Variants in SPAG16 observed in about 807,000 individuals in gnomAD.
SPAG16 encodes the protein sperm-associated antigen 16 protein.
A neutral mutation model predicts 80.4 loss-of-function variants in SPAG16; 86 were observed. The observed-to-expected ratio is 1.07, with a 90% CI of 0.90 to 1.28. SPAG16 has a LOEUF of 1.28. Among genes scored for constraint, SPAG16 ranks in the 50% most tolerant of loss-of-function variants. The probability of loss-of-function intolerance (pLI) is 0.00; values close to 1 mark genes in which losing one functional copy is unlikely to be tolerated. For missense variants in SPAG16, 870 were observed against 765.3 expected, an observed-to-expected ratio of 1.14 and a Z score of -1.61; for synonymous variants, 294 against 265.9, an observed-to-expected ratio of 1.11 and a Z score of -1.03.
At chr2:213,398,259 T>C (rs952016085) in intron 9 of SPAG16, among the ~76,000 whole-genome samples, 3 of 152,146 alleles carry the variant, frequency 2.0e-5, no homozygotes, top group Non-Finnish European at 4.4e-5. Flanking sequence ...CTTCAGTCTC[T>C]TTTGAACACA....
At chr2:213,621,926 C>G (rs748298886) in intron 10 of SPAG16, among the ~76,000 whole-genome samples, 37 of 152,144 alleles carry the variant, frequency 2.4e-4, no homozygotes, top group Non-Finnish European at 4.9e-4. Flanking sequence ...TTAGCAAGAT[C>G]TCTTATTATT....
At chr2:213,295,979 A>C (rs1575106400) in intron 1 of SPAG16, 85 bp from the exon 2 acceptor site, 1 of 1,142,516 alleles carries the variant, frequency 8.8e-7, no homozygotes, top group African/African-American at 1.5e-5. Flanking sequence ...AGTTGAATCC[A>C]ATACTATATT....
At chr2:213,349,201 T>C (rs936480843) in intron 6 of SPAG16, among the ~76,000 whole-genome samples, 5 of 152,174 alleles carry the variant, frequency 3.3e-5, no homozygotes, top group African/African-American at 1.2e-4. Context: ...GCGGCTTAAA[T>C]TGAAATTGAT....
At chr2:213,687,409 T>C (rs1425938187) in intron 10 of SPAG16, among the ~76,000 whole-genome samples, 1 of 152,238 alleles carries the variant, frequency 6.6e-6, no homozygotes, top group African/African-American at 2.4e-5. Flanking sequence ...ATTATCATTT[T>C]ACTAAATTAC....
At chr2:213,530,988 T>G (rs1402595216) in intron 10 of SPAG16, among the ~76,000 whole-genome samples, 1 of 152,184 alleles carries the variant, frequency 6.6e-6, no homozygotes, top group African/African-American at 2.4e-5. Flanking sequence ...TTATAATCTT[T>G]TTTAATTCCT....
intron 10 of SPAG16, among the ~76,000 whole-genome samples, chr2:213,861,377 A>C (rs766208330): frequency 3.4e-4 from 51 of 152,228 alleles, no homozygotes; most frequent in Non-Finnish European, 6.6e-4. Context: ...GACTAGAGCC[A>C]TGGTTTCTTT....
At chr2:213,493,708 T>G (rs1316499456) in intron 10 of SPAG16, among the ~76,000 whole-genome samples, 2 of 152,186 alleles carry the variant, frequency 1.3e-5, no homozygotes, top group Non-Finnish European at 2.9e-5. Flanking sequence ...CCTGAGTAGC[T>G]GGGACCACAG....
intron 10 of SPAG16, among the ~76,000 whole-genome samples, chr2:213,702,351 C>G (rs1255493435): frequency 6.6e-6 from 1 of 152,196 alleles, no homozygotes. Flanking sequence ...AAGGTTTGTT[C>G]TTTCACTTTT....
At chr2:213,925,128 T>C (rs1301408148) in intron 11 of SPAG16, among the ~76,000 whole-genome samples, 1 of 21,196 alleles carries the variant, frequency 4.7e-5, no homozygotes, top group Non-Finnish European at 1.3e-4. Flanking sequence ...TAATACTATA[T>C]CATTATTGTT....
At chr2:213,586,950 G>C (rs1464953119) in intron 10 of SPAG16, among the ~76,000 whole-genome samples, 1 of 152,172 alleles carries the variant, frequency 6.6e-6, no homozygotes, top group Non-Finnish European at 1.5e-5. Context: ...CCCCACCCTT[G>C]TAGTGTCTTC....
chr2:214,005,606 T>C (rs1394149307), intron 12 of SPAG16, among the ~76,000 whole-genome samples: 4 of 152,164 alleles, frequency 2.6e-5, no homozygotes, highest in Non-Finnish European at 5.9e-5. Flanking sequence ...GACTCCATGG[T>C]AGATTTTATT....
intron 5 of SPAG16, among the ~76,000 whole-genome samples, chr2:213,324,192 T>A (rs1052016965): frequency 1.3e-5 from 2 of 152,136 alleles, no homozygotes; most frequent in Non-Finnish European, 2.9e-5. Flanking sequence ...TATAGGATAA[T>A]CAACACTCTA....
intron 11 of SPAG16, among the ~76,000 whole-genome samples, chr2:213,865,101 G>A (rs775483169): frequency 2.0e-5 from 3 of 151,944 alleles, no homozygotes; most frequent in Non-Finnish European, 2.9e-5. Flanking sequence ...AACAAAATTT[G>A]TAGTGGAATT....
At chr2:214,304,490 T>C (rs1375041810) in intron 15 of SPAG16, among the ~76,000 whole-genome samples, 2 of 152,244 alleles carry the variant, frequency 1.3e-5, no homozygotes, top group Non-Finnish European at 2.9e-5. Flanking sequence ...CATCTCTTCG[T>C]TTCCCATAAG....
At chr2:213,489,563 C>T (rs2074151770) in intron 9 of SPAG16, among the ~76,000 whole-genome samples, 1 of 151,878 alleles carries the variant, frequency 6.6e-6, no homozygotes, top group African/African-American at 2.4e-5. Context: ...TTTAGTCGGC[C>T]ATTTATAGGG....
chr2:213,520,991 C>A (rs993220304), intron 10 of SPAG16, among the ~76,000 whole-genome samples: 2 of 152,128 alleles, frequency 1.3e-5, no homozygotes, highest in African/African-American at 4.8e-5. Flanking sequence ...ATGTCTGGGG[C>A]TGGGAGTGCC....
intron 15 of SPAG16, among the ~76,000 whole-genome samples, chr2:214,340,804 C>A (rs1697629089): frequency 6.6e-6 from 1 of 152,170 alleles, no homozygotes; most frequent in African/African-American, 2.4e-5. Context: ...GCTCACTCCA[C>A]ATCCACCCTC....
intron 12 of SPAG16, among the ~76,000 whole-genome samples, chr2:213,979,551 CAAGCATGGG>C (rs1487406425): frequency 6.6e-6 from 1 of 152,056 alleles, no homozygotes; most frequent in East Asian, 1.9e-4. Context: ...GGAGTGAGTG[CAAGCATGGG>C]AAATGCCAGA....
At chr2:214,104,209 G>A (rs1434900357) in intron 13 of SPAG16, among the ~76,000 whole-genome samples, 2 of 152,230 alleles carry the variant, frequency 1.3e-5, no homozygotes, top group African/African-American at 4.8e-5. Context: ...GAAAATATTC[G>A]AGGAACACAG....
Sources: allele counts gnomAD v4.1 joint callset (sites outside exome capture counted in the v4.1 genomes callset), GRCh38; gene constraint gnomAD v4.1.1; transcripts MANE v1.5; gene names NCBI Gene and HGNC (gene_info 2026-07-23, HGNC 2026-07-21).